The following TRAPPC9 variants were observed in gnomAD, a reference collection of about 807,000 sequenced individuals.
TRAPPC9 encodes the protein IKK2 binding protein.
TRAPPC9 carries 83 observed loss-of-function variants against 124.0 expected under a neutral mutation model. The ratio of observed to expected loss-of-function variants is 0.67; its 90% confidence interval spans 0.56 to 0.80. TRAPPC9 has a LOEUF of 0.80. Among genes scored for constraint, TRAPPC9 ranks in the 30% least tolerant of loss-of-function variants. TRAPPC9 has a pLI of 0.00. For missense variants in TRAPPC9, 1,302 were observed against 1,508.3 expected (o/e 0.86, Z 2.27); for synonymous variants, 638 against 617.5 (o/e 1.03, Z -0.49).
intron 13 of TRAPPC9, among the ~76,000 whole-genome samples, chr8:140,285,667 C>T (rs764607958): frequency 8.6e-5 from 13 of 151,998 alleles, no homozygotes; most frequent in Non-Finnish European, 1.8e-4. Context: ...CTTACCACCA[C>T]GTTGTTCTTT....
At chr8:140,354,098 C>T (rs1444931585) in intron 9 of TRAPPC9, among the ~76,000 whole-genome samples, 1 of 152,178 alleles carries the variant, frequency 6.6e-6, no homozygotes, top group Non-Finnish European at 1.5e-5. Context: ...CAATTTAGTA[C>T]GGCCAAATAC....
intron 21 of TRAPPC9, among the ~76,000 whole-genome samples, chr8:139,808,085 A>C (rs907006166): frequency 6.6e-6 from 1 of 152,208 alleles, no homozygotes; most frequent in Non-Finnish European, 1.5e-5. Context: ...AGAGGAGTGC[A>C]AGTGGGTGCG....
At chr8:140,271,653 C>T (rs1220222631) in intron 15 of TRAPPC9, among the ~76,000 whole-genome samples, 3 of 152,174 alleles carry the variant, frequency 2.0e-5, no homozygotes, top group African/African-American at 7.2e-5. Context: ...CTCAACTTCA[C>T]CAATCATCGG....
chr8:140,305,371 G>A (rs7004946), intron 10 of TRAPPC9, among the ~76,000 whole-genome samples: 94,430 of 151,926 alleles, frequency 0.62, 29,416 homozygotes, highest in African/African-American at 0.68. Flanking sequence ...TGCGATCTCC[G>A]CTCACTGCAA....
intron 17 of TRAPPC9, among the ~76,000 whole-genome samples, chr8:140,211,649 T>G (rs1272304110): frequency 6.6e-6 from 1 of 152,254 alleles, no homozygotes; most frequent in African/African-American, 2.4e-5. Context: ...TTACATGACG[T>G]ATCTGAATGT....
intron 6 of TRAPPC9, 90 bp downstream of exon 6, chr8:140,405,487 A>T: frequency 7.3e-7 from 1 of 1,365,556 alleles, no homozygotes; most frequent in African/African-American, 1.4e-5. Context: ...TAAATAATTA[A>T]GAGACACTGC....
intron 8 of TRAPPC9, among the ~76,000 whole-genome samples, chr8:140,366,581 G>T (rs1035907157): frequency 1.3e-5 from 2 of 152,106 alleles, no homozygotes; most frequent in Non-Finnish European, 2.9e-5. Flanking sequence ...ACTCAAAACA[G>T]ATCATAAACC....
intron 17 of TRAPPC9, among the ~76,000 whole-genome samples, chr8:140,122,578 C>G (rs1041863058): frequency 6.6e-6 from 1 of 152,234 alleles, no homozygotes; most frequent in African/African-American, 2.4e-5. Flanking sequence ...TTTTCCCTTT[C>G]TAAGAGAAAT....
chr8:140,058,317 C>T (rs967746495), intron 17 of TRAPPC9, among the ~76,000 whole-genome samples: 1 of 152,144 alleles, frequency 6.6e-6, no homozygotes, highest in Non-Finnish European at 1.5e-5. Flanking sequence ...TAAATGTCCA[C>T]GGGGTTCAGT....
At chr8:139,895,731 T>A (rs925890916) in intron 20 of TRAPPC9, among the ~76,000 whole-genome samples, 5 of 152,252 alleles carry the variant, frequency 3.3e-5, no homozygotes, top group African/African-American at 1.2e-4. Flanking sequence ...AAGTCACTGA[T>A]ACACTTGGGC....
intron 21 of TRAPPC9, among the ~76,000 whole-genome samples, chr8:139,734,180 G>C (rs902216249): frequency 2.6e-5 from 4 of 152,204 alleles, no homozygotes; most frequent in African/African-American, 9.7e-5. Context: ...GGGCCTGGCA[G>C]GCAGCAGAGG....
At chr8:140,337,108 G>C (rs1343041514) in intron 9 of TRAPPC9, among the ~76,000 whole-genome samples, 1 of 152,150 alleles carries the variant, frequency 6.6e-6, no homozygotes, top group African/African-American at 2.4e-5. Context: ...TGTGGGGTCA[G>C]GCATGTGCTC....
chr8:140,045,179 G>C (rs1333580674), intron 17 of TRAPPC9, among the ~76,000 whole-genome samples: 1 of 152,212 alleles, frequency 6.6e-6, no homozygotes, highest in African/African-American at 2.4e-5. Context: ...TCAGACACCA[G>C]TCCAGTATTG....
chr8:139,920,470 G>A (rs568368186), intron 19 of TRAPPC9, among the ~76,000 whole-genome samples: 107 of 152,362 alleles, frequency 7.0e-4, no homozygotes, highest in African/African-American at 2.5e-3. Context: ...AAGTCACCCT[G>A]TCCCTGAGCC....
At chr8:140,112,636 T>C (rs1008849342) in intron 17 of TRAPPC9, among the ~76,000 whole-genome samples, 3 of 152,134 alleles carry the variant, frequency 2.0e-5, no homozygotes, top group Non-Finnish European at 4.4e-5. Flanking sequence ...AAACTGCAGG[T>C]CAGAGCCGGT....
chr8:140,052,358 C>T (rs910536193), intron 17 of TRAPPC9, among the ~76,000 whole-genome samples: 7 of 152,118 alleles, frequency 4.6e-5, no homozygotes, highest in Non-Finnish European at 7.4e-5. Flanking sequence ...TAGTAATGGC[C>T]GGGCATGAGG....
intron 15 of TRAPPC9, among the ~76,000 whole-genome samples, chr8:140,272,866 C>A (rs367658434): frequency 6.6e-6 from 1 of 151,132 alleles, no homozygotes. Context: ...CCAAAACCCC[C>A]CACCAGACCC....
chr8:139,897,368 G>A (rs896812251), intron 20 of TRAPPC9, among the ~76,000 whole-genome samples: 4 of 152,224 alleles, frequency 2.6e-5, no homozygotes, highest in Admixed American at 2.0e-4. Flanking sequence ...GAATGAGGAG[G>A]CAGCCCCACC....
chr8:140,381,824 T>C (rs986551430), intron 7 of TRAPPC9, among the ~76,000 whole-genome samples: 31 of 152,152 alleles, frequency 2.0e-4, no homozygotes, highest in East Asian at 5.8e-4. Flanking sequence ...AATGAGGATA[T>C]AGAGAAACTG....
Sources: allele counts gnomAD v4.1 joint callset (sites outside exome capture counted in the v4.1 genomes callset), GRCh38; gene constraint gnomAD v4.1.1; transcripts MANE v1.5; gene names NCBI Gene and HGNC (gene_info 2026-07-23, HGNC 2026-07-21).